C20orf173: variants seen among roughly 807,000 people sequenced by gnomAD.
C20orf173 encodes the protein uncharacterized protein C20orf173.
In C20orf173, 22 loss-of-function variants were observed where a neutral mutation model predicts 26.7. The observed-to-expected ratio is 0.82, with a 90% confidence interval of 0.59 to 1.18. The LOEUF is 1.18. Ranked by LOEUF, C20orf173 falls within the 50% of genes most tolerant of loss-of-function variation. C20orf173 has a pLI of 0.00. For synonymous variants in C20orf173, 85 were observed against 96.4 expected (o/e 0.88, Z 0.69); for missense variants, 210 against 250.3 (o/e 0.84, Z 1.09).
chr20:35,528,242 G>C lies in C20orf173; in HGVS notation c.*16C>G. The C allele has an allele frequency of 1.9e-6, 3 of 1,551,904 alleles. No homozygotes were observed. Among genetic ancestry groups the C allele is most frequent in the Middle Eastern group, 1.7e-4 (1 of 5,992 alleles). On this transcript the variant is annotated 3_prime_UTR_variant, in exon 5 of 6. Transcript: ENST00000444723. ...TCCTATTCCCCCTCACCGTGTCTTT[G>C]CTATCTTCCACTCCACTAGGGAACC...
At chr20:35,527,594 A>G (rs114285433) in intron 5 of C20orf173, among the ~76,000 whole-genome samples, 1,512 of 148,254 alleles carry the variant, frequency 0.01, 22 homozygotes, top group African/African-American at 0.035. Context: ...GGGAGACAGG[A>G]GGCAAGGGGA....
chr20:35,528,014 G>A (rs1490768496), intron 5 of C20orf173, among the ~76,000 whole-genome samples: 3 of 152,236 alleles, frequency 2.0e-5, no homozygotes, highest in Admixed American at 6.5e-5. Context: ...GCATTGAGGA[G>A]CAGGAATTTT....
intron 4 of C20orf173, 73 bp downstream of exon 4, chr20:35,528,378 G>A: frequency 1.3e-6 from 2 of 1,545,896 alleles, no homozygotes; most frequent in South Asian, 2.4e-5. Flanking sequence ...TCTTCCCAGA[G>A]CCCCTGCTGT....
intron 5 of C20orf173, among the ~76,000 whole-genome samples, chr20:35,527,717 C>G (rs1422623168): frequency 1.3e-5 from 2 of 152,058 alleles, no homozygotes; most frequent in Non-Finnish European, 2.9e-5. Flanking sequence ...CTCCCGGGTT[C>G]AAGCGATTCT....
At chr20:35,528,350 C>T (rs2064519687) in intron 4 of C20orf173, 66 bp from the exon 5 acceptor site, 1 of 1,549,276 alleles carries the variant, frequency 6.5e-7, no homozygotes, top group African/African-American at 1.4e-5. Flanking sequence ...CAAGTGTCCC[C>T]AGTAAGCCAA....
chr20:35,525,122 ATCTT>A (rs1304086246), downstream of C20orf173, among the ~76,000 whole-genome samples: 6 of 151,780 alleles, frequency 4.0e-5, no homozygotes, highest in East Asian at 9.7e-4. Context: ...AAAAAAAAAA[ATCTT>A]TATGTTCTCA....
Position 35,529,634 on chromosome 20 carries a change from G to A in C20orf173, c.-127C>T, listed in dbSNP as rs755046633. On this transcript the variant is annotated 5_prime_UTR_variant, in exon 1 of 6. Transcript: ENST00000444723. ...AGACAGCATGTGGCTAGTCCTGAGAGGGGAAGGAATACCTCAGTGGGGGCC... is the reference window on the plus strand; with the variant it reads ...AGACAGCATGTGGCTAGTCCTGAGAAGGGAAGGAATACCTCAGTGGGGGCC... 4.0e-6 allele frequency: 2 copies of A among 501,830 alleles called. No homozygotes were observed. Among genetic ancestry groups the A allele is most frequent in the South Asian group, 5.4e-5 (2 of 36,990 alleles). The allele number at this position is 501,830 out of a possible 1,614,324, so 31.1% of individuals were successfully genotyped here. A position where few individuals can be genotyped will look rare whatever the true frequency, so the allele number is the denominator to read the frequency against.
downstream of C20orf173, among the ~76,000 whole-genome samples, chr20:35,521,819 G>A (rs1331581262): frequency 6.6e-6 from 1 of 152,042 alleles, no homozygotes; most frequent in Non-Finnish European, 1.5e-5. Flanking sequence ...TGTTGGTCAG[G>A]CTGGTCTCGA....
At chr20:35,526,638 A>C (rs1345983083), downstream of C20orf173, among the ~76,000 whole-genome samples, 1 of 151,380 alleles carries the variant, frequency 6.6e-6, no homozygotes, top group African/African-American at 2.4e-5. Context: ...CAAAAAAAAA[A>C]AAAAAAAAAA....
chr20:35,521,052 A>T (rs2064472054), downstream of C20orf173: 1 of 152,548 alleles, frequency 6.6e-6, no homozygotes, highest in African/African-American at 2.4e-5. Context: ...TTCTGCTGGG[A>T]AATTTTGCAT....
downstream of C20orf173, chr20:35,520,791 T>C (rs138837017): frequency 6.6e-6 from 1 of 152,338 alleles, no homozygotes; most frequent in East Asian, 1.9e-4. Context: ...GAGAGTCACA[T>C]GGTGATAAGA....
chr20:35,520,924 C>G (rs2064471025), downstream of C20orf173: 1 of 152,226 alleles, frequency 6.6e-6, no homozygotes, highest in South Asian at 2.1e-4. Flanking sequence ...CCTAGTCCCT[C>G]TCTGACACCA....
At chr20:35,522,707 C>A (rs1214747157), downstream of C20orf173, 2 of 152,930 alleles carry the variant, frequency 1.3e-5, no homozygotes, top group Non-Finnish European at 2.9e-5. Context: ...ATCCTGAAGC[C>A]AAGGCCAGAG....
downstream of C20orf173, among the ~76,000 whole-genome samples, chr20:35,526,224 T>C (rs1342719356): frequency 6.6e-6 from 1 of 152,194 alleles, no homozygotes; most frequent in Non-Finnish European, 1.5e-5. Context: ...AGTCTCATTA[T>C]GGCAGATTCT....
In C20orf173 at chr20:35,529,375, T is replaced by G. The variant is rs769095580; in HGVS notation, c.-2A>C. On this transcript the variant is annotated 5_prime_UTR_variant, in exon 2 of 6. Coordinates refer to ENST00000444723, the MANE Select transcript of C20orf173 (RefSeq NM_001145350.2). Reference sequence around the variant, plus strand: ...GACAAAAATCTGCCAGCGCTTCATGTCTGGCCCAGGCGGTGGCTCCCGTGG... The same window carrying G: ...GACAAAAATCTGCCAGCGCTTCATGGCTGGCCCAGGCGGTGGCTCCCGTGG... 3 of 1,534,624 alleles carry G rather than the reference T, an allele frequency of 2.0e-6. No homozygotes were observed. The Admixed American group carries it at 5.9e-5, about 30-fold the overall frequency.
Position 35,529,331 on chromosome 20 carries a change from G to C in C20orf173, c.43C>G (p.Leu15Val), listed in dbSNP as rs2064533773. 1 of 1,550,038 alleles carries C rather than the reference G, an allele frequency of 6.5e-7. No individual in the cohort carries two copies. Among genetic ancestry groups the C allele is most frequent in the Non-Finnish European group, 8.7e-7 (1 of 1,146,362 alleles). The part of the protein sequence containing the change: ...QIFVLWVFWV[L>V]ILWLMTPYLD... Reference sequence around the variant, plus strand: ...TAGGGGGTCATCAGCCAGAGGATGAGCACCCAAAAGACCCACAGGACAAAA... The same window carrying C: ...TAGGGGGTCATCAGCCAGAGGATGACCACCCAAAAGACCCACAGGACAAAA... Residue 15 changes from leucine to valine, a missense_variant, in exon 2 of 6, where the codon CTC (leucine) becomes GTC (valine). Coordinates refer to ENST00000444723, the MANE Select transcript of C20orf173 (RefSeq NM_001145350.2).
chr20:35,525,857 T>A (rs576311072), downstream of C20orf173, among the ~76,000 whole-genome samples: 2 of 152,306 alleles, frequency 1.3e-5, no homozygotes, highest in African/African-American at 4.8e-5. Context: ...ATACCCACTT[T>A]TAACTACATG....
intron 3 of C20orf173, 34 bp from the exon 4 acceptor site, chr20:35,528,578 T>A: frequency 6.5e-7 from 1 of 1,550,354 alleles, no homozygotes; most frequent in Non-Finnish European, 8.7e-7. Context: ...GTGGTTTGGT[T>A]CCCCACGTCC....
At chr20:35,528,149 GGA>G in intron 5 of C20orf173, 82 bp downstream of exon 5, 1 of 1,172,786 alleles carries the variant, frequency 8.5e-7, no homozygotes, top group Non-Finnish European at 1.2e-6. Context: ...TTGCACCTGG[GGA>G]GGAAGGGGGA....
Sources: gnomAD v4.1 joint callset for allele counts (sites outside exome capture counted in the v4.1 genomes callset) on GRCh38, gnomAD v4.1.1 for gene constraint, MANE v1.5 for transcripts, NCBI Gene and HGNC (gene_info 2026-07-23, HGNC 2026-07-21) for gene names.